Variants in PPP4R1 observed in about 807,000 individuals in gnomAD.
PPP4R1 encodes the protein serine/threonine-protein phosphatase 4 regulatory subunit 1.
In PPP4R1, 42 loss-of-function variants were observed where a neutral mutation model predicts 111.2. The ratio of observed to expected loss-of-function variants is 0.38; its 90% CI spans 0.29 to 0.49. The LOEUF (loss-of-function observed/expected upper bound fraction) is 0.49. Ranked by LOEUF, PPP4R1 falls within the 20% of genes least tolerant of loss-of-function variation. The pLI, the probability that PPP4R1 is intolerant of heterozygous loss-of-function variation, is 0.97. For missense variants in PPP4R1, 1,012 were observed against 1,161.6 expected, an observed-to-expected ratio of 0.87 and a Z score of 1.87; for synonymous variants, 409 against 405.5, an observed-to-expected ratio of 1.01 and a Z score of -0.10.
At position 9,595,418 on chromosome 18, in the gene PPP4R1, G is replaced by A. The variant is rs1300281333; in HGVS notation, c.53-265C>T. Among the ~76,000 whole-genome samples the A allele has an allele frequency of 2.0e-5, 3 of 152,264 alleles. No individual in the cohort carries two copies. The East Asian group carries it at 5.8e-4, about 29-fold the overall frequency. On this transcript the variant is annotated intron_variant, in intron 2 of 19. Transcript: ENST00000400556. ...AGAGGCTACAGAAACTCAGTATGCA[G>A]GAAAGTGACCAGTCTTGAGAACATG...
chr18:9,589,305 C>T (rs1568116410), intron 4 of PPP4R1, among the ~76,000 whole-genome samples: 1 of 152,070 alleles, frequency 6.6e-6, no homozygotes, highest in Non-Finnish European at 1.5e-5. Flanking sequence ...TATAATTAGA[C>T]TTAACTAAGA....
intron 2 of PPP4R1, among the ~76,000 whole-genome samples, chr18:9,597,502 G>A (rs1037795198): frequency 6.6e-6 from 1 of 152,080 alleles, no homozygotes; most frequent in African/African-American, 2.4e-5. Context: ...GAAACTAGTC[G>A]GTATTCTGGG....
At position 9,588,737 on chromosome 18, in the gene PPP4R1, T is replaced by C. The variant is rs1427684810; in HGVS notation, c.412A>G (p.Arg138Gly). Residue 138 changes from arginine (R) to glycine (G), a missense_variant, in exon 5 of 20, where the codon AGA (arginine) becomes GGA (glycine). Coordinates refer to ENST00000400556, the MANE Select transcript of PPP4R1 (RefSeq NM_001042388.3). ...FSKFLLPIVVRYLADQNNQVR... is the reference protein window; with the variant it reads ...FSKFLLPIVVGYLADQNNQVR... Reference sequence around the variant, plus strand: ...TGATTATTCTGATCTGCAAGGTATCTAACCACAATAGGTAGTAAGAATTTT... The same window carrying C: ...TGATTATTCTGATCTGCAAGGTATCCAACCACAATAGGTAGTAAGAATTTT... The C allele has an allele frequency of 6.2e-7, 1 of 1,612,768 alleles. No homozygotes were observed. The highest frequency in any genetic ancestry group is 1.3e-5 in the African/African-American group (1 of 75,008).
At chr18:9,616,957 C>T (rs1052526918), upstream of PPP4R1, among the ~76,000 whole-genome samples, 8 of 152,140 alleles carry the variant, frequency 5.3e-5, no homozygotes, top group South Asian at 2.1e-4. Flanking sequence ...ATTTCAGTGA[C>T]GGTATCATTC....
chr18:9,614,105 G>C lies in PPP4R1; in HGVS notation c.52+121C>G. The C allele has an allele frequency of 7.8e-6, 7 of 897,662 alleles. No homozygotes were observed. Among genetic ancestry groups the C allele is most frequent in the Non-Finnish European group, 1.0e-5 (7 of 695,712 alleles). 55.6% of individuals were successfully genotyped at this position (897,662 alleles called of 1,614,324 possible). A position where few individuals can be genotyped will look rare whatever the true frequency, so the allele number is the denominator to read the frequency against. On this transcript the variant is annotated intron_variant, in intron 2 of 19. Transcript: ENST00000400556. The surrounding 1 kb of genome is among the most constrained non-coding windows in gnomAD (Gnocchi z 4.1). ...CCCCGATCGCCACCCCAGCCCGCCT[G>C]GGGCCGCCCTCGCCCACCGTCCCCT...
intron 13 of PPP4R1, among the ~76,000 whole-genome samples, chr18:9,561,311 A>G (rs543407261): frequency 8.0e-4 from 122 of 152,006 alleles, no homozygotes; most frequent in Non-Finnish European, 1.5e-3. Flanking sequence ...TGAATGCAGC[A>G]CTGCTTATAG....
intron 16 of PPP4R1, among the ~76,000 whole-genome samples, chr18:9,552,744 C>G (rs1036044356): frequency 1.3e-5 from 2 of 152,168 alleles, no homozygotes; most frequent in Admixed American, 1.3e-4. Context: ...GACCACACCC[C>G]CAACCCAAAT....
chr18:9,569,796 C>T (rs2066829635), intron 11 of PPP4R1, among the ~76,000 whole-genome samples: 1 of 152,082 alleles, frequency 6.6e-6, no homozygotes. Flanking sequence ...TCCTTTGACA[C>T]CATTTGAACT....
intron 2 of PPP4R1, among the ~76,000 whole-genome samples, chr18:9,596,143 T>A (rs2067286375): frequency 6.6e-6 from 1 of 152,264 alleles, no homozygotes; most frequent in Non-Finnish European, 1.5e-5. Context: ...TTATTTATTT[T>A]GTTCTGTTCC....
intron 19 of PPP4R1, 35 bp from the exon 20 acceptor site, chr18:9,547,987 A>T: frequency 6.2e-7 from 1 of 1,603,160 alleles, no homozygotes; most frequent in Non-Finnish European, 8.5e-7. Flanking sequence ...AGATGAAACC[A>T]GTCCAACGGA....
At chr18:9,563,270 A>C (rs1158378675) in intron 12 of PPP4R1, 108 bp downstream of exon 12, 1 of 1,334,786 alleles carries the variant, frequency 7.5e-7, no homozygotes, top group Non-Finnish European at 1.0e-6. Flanking sequence ...AAAAATCAGC[A>C]ACAAACAGAA....
chr18:9,598,993 C>T (rs2067336060), intron 2 of PPP4R1, among the ~76,000 whole-genome samples: 2 of 151,672 alleles, frequency 1.3e-5, no homozygotes, highest in Admixed American at 1.3e-4. Context: ...ACCACTGCAC[C>T]CCAGTCTGGA....
intron 15 of PPP4R1, among the ~76,000 whole-genome samples, chr18:9,556,473 G>A (rs1046284019): frequency 2.6e-5 from 4 of 152,216 alleles, no homozygotes; most frequent in Non-Finnish European, 2.9e-5. Flanking sequence ...GATTACAGGC[G>A]TGAGCCACTG....
At position 9,547,334 on chromosome 18, in the gene PPP4R1, GAGAGAA is replaced by G. The variant is rs1237770127; in HGVS notation, c.*449_*454del. ...ACAGAGCCCAGCAAGTCCTTCCTGGGAGAGAAGAGTTAGGGCTGATACTGAAGGTCT... is the reference window on the plus strand; with the variant it reads ...ACAGAGCCCAGCAAGTCCTTCCTGGGGAGTTAGGGCTGATACTGAAGGTCT... On this transcript the variant is annotated 3_prime_UTR_variant, in exon 20 of 20. Transcript: ENST00000400556. The G allele has an allele frequency of 6.3e-6, 1 of 158,888 alleles. No individual in the cohort carries two copies. Among genetic ancestry groups the G allele is most frequent in the East Asian group, 1.7e-4 (1 of 5,732 alleles). The allele number at this position is 158,888 out of a possible 1,614,324, so 9.8% of individuals were successfully genotyped here.
intron 12 of PPP4R1, among the ~76,000 whole-genome samples, chr18:9,562,665 G>C (rs2066697559): frequency 1.3e-5 from 2 of 152,150 alleles, no homozygotes; most frequent in Admixed American, 1.3e-4. Flanking sequence ...ATGCACTAAA[G>C]CTCTAAGAAC....
Position 9,555,864 on chromosome 18 carries a change from T to TGC in PPP4R1, c.2190+1356_2190+1357insGC, listed in dbSNP as rs1491333714. Among the ~76,000 whole-genome samples, 1,379 of 148,898 alleles carry TGC rather than the reference T, an allele frequency of 9.3e-3. 48 individuals are homozygous for TGC. Among genetic ancestry groups the TGC allele is most frequent in the East Asian group, 0.091 (465 of 5,126 alleles). ...AATCAGAAAAATTTTAGGCCAGGCA[T>TGC]GGTGGCTCACGCCTGTAATCCCAGC... is the stretch of plus-strand genomic sequence containing the variant. On this transcript the variant is annotated intron_variant, in intron 15 of 19. Transcript: ENST00000400556.
At position 9,557,319 on chromosome 18, in the gene PPP4R1, A is replaced by T. The variant is rs767845178; in HGVS notation, c.2092T>A (p.Leu698Met). The change falls in exon 15 of 20, where the codon TTG (leucine) becomes ATG (methionine). Residue 698 changes from leucine to methionine, a missense_variant. Around this residue, in one of 2 missense-constraint regions of PPP4R1, gnomAD observed 305 missense variants for 419.5 expected, o/e 0.73. Coordinates refer to ENST00000400556, the MANE Select transcript of PPP4R1 (RefSeq NM_001042388.3). ...HELAVILGDQ[L>M]TAADLVPIFN... ...ATTGGAACCAGATCTGCAGCTGTCA[A>T]TTGATCTCCAAGAATAACTGCAAGC... is the stretch of plus-strand genomic sequence containing the variant. The T allele has an allele frequency of 6.2e-7, 1 of 1,612,720 alleles. No homozygotes were observed. Among genetic ancestry groups the T allele is most frequent in the Non-Finnish European group, 8.5e-7 (1 of 1,179,558 alleles).
At chr18:9,616,305 A>C (rs2067687566), upstream of PPP4R1, among the ~76,000 whole-genome samples, 1 of 149,322 alleles carries the variant, frequency 6.7e-6, no homozygotes, top group African/African-American at 2.5e-5. Context: ...GTCTTGCCTT[A>C]CGTAGCCCAG....
At chr18:9,602,664 A>G (rs557941998) in intron 2 of PPP4R1, among the ~76,000 whole-genome samples, 2 of 152,190 alleles carry the variant, frequency 1.3e-5, no homozygotes, top group South Asian at 2.1e-4. Flanking sequence ...GTTTGACACC[A>G]TCCTGGCCAA....
Sources: allele counts gnomAD v4.1 joint callset (sites outside exome capture counted in the v4.1 genomes callset), GRCh38; gene constraint gnomAD v4.1.1; regional missense constraint gnomAD v4.1.1; non-coding constraint Gnocchi (gnomAD v3.1); transcripts MANE v1.5; gene names NCBI Gene and HGNC (gene_info 2026-07-23, HGNC 2026-07-21).